Variants in REDIC1 observed in about 807,000 individuals in gnomAD.
REDIC1 encodes the protein HEI10 Interacting Protein 1.
chr12:39,756,773 T>C, the REDIC1 span: 1 of 151,732 alleles, frequency 6.6e-6, no homozygotes, highest in Non-Finnish European at 1.5e-5. Flanking sequence ...AAAAATTTCA[T>C]AAATTCCTTG....
At chr12:39,665,936 T>C in the REDIC1 span, among the ~76,000 whole-genome samples, 123 of 152,236 alleles carry the variant, frequency 8.1e-4, no homozygotes, top group Admixed American at 1.2e-3. Context: ...CCTGAGACTT[T>C]GCTGAAGTTG....
the REDIC1 span, among the ~76,000 whole-genome samples, chr12:39,899,395 C>T: frequency 5.3e-5 from 8 of 152,118 alleles, no homozygotes; most frequent in South Asian, 2.1e-4. Context: ...GTCTTGCTAG[C>T]GGTCTATCAA....
chr12:39,743,052 G>A, the REDIC1 span, among the ~76,000 whole-genome samples: 15 of 87,308 alleles, frequency 1.7e-4, no homozygotes, highest in African/African-American at 6.7e-4. Flanking sequence ...GGTTTATAGA[G>A]TGACGATGGG....
At chr12:39,684,966 G>T in the REDIC1 span, 1 of 1,412,312 alleles carries the variant, frequency 7.1e-7, no homozygotes, top group Non-Finnish European at 1.0e-6. Context: ...AATTAAGTCA[G>T]TTTGTATTAC....
chr12:39,732,902 T>C, the REDIC1 span, among the ~76,000 whole-genome samples: 6 of 152,280 alleles, frequency 3.9e-5, no homozygotes, highest in Admixed American at 3.3e-4. Context: ...CAAGGCCTTG[T>C]AAGGCTTATT....
chr12:39,653,572 T>TCTTCTTCTTCTTC, the REDIC1 span, among the ~76,000 whole-genome samples: 54 of 72,806 alleles, frequency 7.4e-4, 1 homozygote, highest in Admixed American at 1.3e-3. Flanking sequence ...TTCTTCTTCT[T>TCTTCTTCTTCTTC]TTTCTTCCTC....
chr12:39,894,203 A>G, the REDIC1 span, among the ~76,000 whole-genome samples: 1 of 152,130 alleles, frequency 6.6e-6, no homozygotes, highest in Non-Finnish European at 1.5e-5. Flanking sequence ...GCAAACTTTC[A>G]AGTGTCTTCA....
At chr12:39,877,153 T>C in the REDIC1 span, among the ~76,000 whole-genome samples, 1 of 152,170 alleles carries the variant, frequency 6.6e-6, no homozygotes, top group Non-Finnish European at 1.5e-5. Flanking sequence ...ATAACTCTAT[T>C]AGTCTGCTCT....
the REDIC1 span, among the ~76,000 whole-genome samples, chr12:39,712,505 G>T: frequency 1.4e-5 from 2 of 140,300 alleles, no homozygotes; most frequent in African/African-American, 5.3e-5. Context: ...ACGTATATAC[G>T]TATGTACGTA....
chr12:39,713,281 T>TACGTGTATATATGTGTACACAC, the REDIC1 span, among the ~76,000 whole-genome samples: 1 of 11,032 alleles, frequency 9.1e-5, no homozygotes, highest in Non-Finnish European at 5.8e-4. Flanking sequence ...TACACACACA[T>TACGTGTATATATGTGTACACAC]ACGTGTATAT....
the REDIC1 span, among the ~76,000 whole-genome samples, chr12:39,645,825 C>T: frequency 6.6e-6 from 1 of 152,226 alleles, no homozygotes; most frequent in Admixed American, 6.5e-5. Flanking sequence ...TGGTCTTGAA[C>T]TCTTGGCCTC....
chr12:39,875,645 T>A, the REDIC1 span, among the ~76,000 whole-genome samples: 1 of 152,218 alleles, frequency 6.6e-6, no homozygotes, highest in Non-Finnish European at 1.5e-5. Context: ...GACATCTATT[T>A]AAAAGGTAAT....
At chr12:39,708,590 T>G in the REDIC1 span, among the ~76,000 whole-genome samples, 3 of 151,874 alleles carry the variant, frequency 2.0e-5, no homozygotes, top group Non-Finnish European at 4.4e-5. Context: ...GGAGTTTAAG[T>G]TGACTTAAGG....
the REDIC1 span, among the ~76,000 whole-genome samples, chr12:39,812,753 T>G: frequency 6.7e-6 from 1 of 149,016 alleles, no homozygotes; most frequent in Non-Finnish European, 1.5e-5. Flanking sequence ...ATTACGGGCG[T>G]GAGTCATTGC....
At chr12:39,814,851 T>G in the REDIC1 span, among the ~76,000 whole-genome samples, 208 of 151,830 alleles carry the variant, frequency 1.4e-3, no homozygotes, top group Admixed American at 2.3e-3. Context: ...TTATGCATAT[T>G]TCACAATATG....
At chr12:39,895,683 CACAT>C in the REDIC1 span, among the ~76,000 whole-genome samples, 5 of 142,470 alleles carry the variant, frequency 3.5e-5, no homozygotes, top group African/African-American at 1.3e-4. Context: ...TATACGTACA[CACAT>C]ATGTATATGC....
At chr12:39,746,591 CAG>C in the REDIC1 span, among the ~76,000 whole-genome samples, 1 of 152,210 alleles carries the variant, frequency 6.6e-6, no homozygotes, top group Non-Finnish European at 1.5e-5. Flanking sequence ...GTTTTCCCAG[CAG>C]AGAGTTTGAG....
At chr12:39,671,557 T>G in the REDIC1 span, among the ~76,000 whole-genome samples, 1 of 152,162 alleles carries the variant, frequency 6.6e-6, no homozygotes, top group Non-Finnish European at 1.5e-5. Flanking sequence ...ACCAGGTGGG[T>G]GGGTAAGTCC....
the REDIC1 span, among the ~76,000 whole-genome samples, chr12:39,717,706 TTAC>T: frequency 2.0e-5 from 3 of 152,124 alleles, no homozygotes; most frequent in Admixed American, 2.0e-4. Context: ...CTTCTACTGT[TTAC>T]TTTAGCTTCA....
Sources: allele counts gnomAD v4.1 joint callset (sites outside exome capture counted in the v4.1 genomes callset), GRCh38; gene constraint gnomAD v4.1.1; transcripts MANE v1.5; gene names NCBI Gene and HGNC (gene_info 2026-07-23, HGNC 2026-07-21).